The following NRG3 variants were observed in gnomAD, a reference collection of about 807,000 sequenced individuals.
NRG3 encodes the protein pro-neuregulin-3, membrane-bound isoform.
Under a neutral mutation model 66.9 loss-of-function variants are expected in NRG3, and 31 were observed. The observed-to-expected ratio is 0.46, with a 90% CI of 0.35 to 0.63. The LOEUF is 0.63. NRG3 is among the 20% of genes least tolerant of loss of function. NRG3 has a pLI of 0.00. For synonymous variants in NRG3, 393 were observed against 359.4 expected, an observed-to-expected ratio of 1.09 and a Z score of -1.06; for missense variants, 910 against 878.9, an observed-to-expected ratio of 1.04 and a Z score of -0.45.
At chr10:82,722,222 T>C (rs1036956515) in intron 2 of NRG3, among the ~76,000 whole-genome samples, 4 of 152,254 alleles carry the variant, frequency 2.6e-5, no homozygotes, top group African/African-American at 9.6e-5. Flanking sequence ...CCCTCATCTT[T>C]GTTGAAACAT....
intron 2 of NRG3, among the ~76,000 whole-genome samples, chr10:82,588,219 C>A (rs1196650171): frequency 6.6e-6 from 1 of 152,132 alleles, no homozygotes. Context: ...ATGTAATCCC[C>A]AGAGTTGGAG....
intron 1 of NRG3, among the ~76,000 whole-genome samples, chr10:81,931,467 C>G (rs1014112988): frequency 6.6e-6 from 1 of 152,094 alleles, no homozygotes; most frequent in Non-Finnish European, 1.5e-5. Flanking sequence ...CCACACAATC[C>G]CTGGGCTCTA....
At chr10:82,408,460 C>T (rs1242571097) in intron 2 of NRG3, among the ~76,000 whole-genome samples, 1 of 151,948 alleles carries the variant, frequency 6.6e-6, no homozygotes, top group African/African-American at 2.4e-5. Flanking sequence ...TTTTAACTAG[C>T]TCATGAAATA....
chr10:82,001,336 C>A (rs2061159486), intron 1 of NRG3, among the ~76,000 whole-genome samples: 1 of 151,946 alleles, frequency 6.6e-6, no homozygotes, highest in Admixed American at 6.6e-5. Context: ...AATTCCATCT[C>A]TACTGAAAAT....
chr10:82,034,570 G>A (rs2062711186), intron 1 of NRG3, among the ~76,000 whole-genome samples: 1 of 151,986 alleles, frequency 6.6e-6, no homozygotes, highest in South Asian at 2.1e-4. Context: ...ATTTCATAGA[G>A]CTGAGGTGAG....
chr10:82,635,561 C>T (rs571291707), intron 2 of NRG3, among the ~76,000 whole-genome samples: 4 of 152,160 alleles, frequency 2.6e-5, no homozygotes, highest in Non-Finnish European at 5.9e-5. Context: ...CTTATCTGAG[C>T]TCCATTTTTT....
At chr10:82,308,919 C>G (rs1191684551) in intron 1 of NRG3, among the ~76,000 whole-genome samples, 1 of 152,144 alleles carries the variant, frequency 6.6e-6, no homozygotes, top group East Asian at 1.9e-4. Context: ...CCAGGAGAAG[C>G]CTCTGTTTTC....
At chr10:82,291,294 A>G (rs377545306) in intron 1 of NRG3, among the ~76,000 whole-genome samples, 1 of 152,238 alleles carries the variant, frequency 6.6e-6, no homozygotes, top group African/African-American at 2.4e-5. Flanking sequence ...TTTAAAAAAC[A>G]TAATCTGTAC....
At chr10:82,916,763 G>C (rs180853835) in intron 4 of NRG3, among the ~76,000 whole-genome samples, 4 of 152,048 alleles carry the variant, frequency 2.6e-5, no homozygotes, top group Non-Finnish European at 4.4e-5. Flanking sequence ...CTATAGGCGC[G>C]TGCCACCACG....
intron 3 of NRG3, among the ~76,000 whole-genome samples, chr10:82,761,702 G>T (rs1005266590): frequency 1.3e-5 from 2 of 151,582 alleles, no homozygotes; most frequent in African/African-American, 4.8e-5. Context: ...AAATAAATCA[G>T]TTTGGCTTGT....
chr10:82,625,034 G>T (rs531411250), intron 2 of NRG3, among the ~76,000 whole-genome samples: 31 of 151,392 alleles, frequency 2.0e-4, no homozygotes, highest in African/African-American at 7.3e-4. Flanking sequence ...TTCCTATTCT[G>T]GATAGAACAG....
intron 2 of NRG3, among the ~76,000 whole-genome samples, chr10:82,594,226 G>C (rs1466366436): frequency 6.6e-6 from 1 of 152,184 alleles, no homozygotes; most frequent in African/African-American, 2.4e-5. Flanking sequence ...TTCATAAGAA[G>C]TGAGTCTGTG....
intron 1 of NRG3, among the ~76,000 whole-genome samples, chr10:82,144,655 C>T (rs566828263): frequency 6.6e-6 from 1 of 152,326 alleles, no homozygotes; most frequent in South Asian, 2.1e-4. Flanking sequence ...AGTGCTCAGC[C>T]TTCCCCAACA....
chr10:82,659,438 G>A (rs961410501), intron 2 of NRG3, among the ~76,000 whole-genome samples: 2 of 152,124 alleles, frequency 1.3e-5, no homozygotes, highest in East Asian at 3.9e-4. Context: ...GATAATTTGA[G>A]GTCAGGAGTT....
At chr10:82,407,281 G>T (rs2136109626) in intron 2 of NRG3, among the ~76,000 whole-genome samples, 1 of 152,076 alleles carries the variant, frequency 6.6e-6, no homozygotes, top group African/African-American at 2.4e-5. Context: ...TTTTAAAGGT[G>T]TTAGCCTTTC....
At chr10:82,922,689 T>C (rs1267504499) in intron 4 of NRG3, among the ~76,000 whole-genome samples, 8 of 152,190 alleles carry the variant, frequency 5.3e-5, no homozygotes, top group Admixed American at 5.2e-4. Context: ...TGAACAGATA[T>C]TGAGGAGCAG....
chr10:82,543,873 A>C (rs549461227), intron 2 of NRG3, among the ~76,000 whole-genome samples: 14 of 152,336 alleles, frequency 9.2e-5, no homozygotes, highest in Non-Finnish European at 1.8e-4. Flanking sequence ...GATAAGCTTC[A>C]GTCAGGCAGT....
chr10:82,888,961 G>T (rs541559177), intron 4 of NRG3, among the ~76,000 whole-genome samples: 5 of 152,030 alleles, frequency 3.3e-5, no homozygotes, highest in African/African-American at 1.2e-4. Flanking sequence ...TGACTGGAGC[G>T]GAATGAGCAA....
chr10:82,633,892 G>A (rs1002120115), intron 2 of NRG3, among the ~76,000 whole-genome samples: 1 of 152,112 alleles, frequency 6.6e-6, no homozygotes, highest in East Asian at 1.9e-4. Flanking sequence ...TAAGTGTTGT[G>A]TGTCCTTAAC....
Sources: gnomAD v4.1 joint callset for allele counts (sites outside exome capture counted in the v4.1 genomes callset) on GRCh38, gnomAD v4.1.1 for gene constraint, MANE v1.5 for transcripts, NCBI Gene and HGNC (gene_info 2026-07-23, HGNC 2026-07-21) for gene names.